RARB: variants seen among roughly 807,000 people sequenced by gnomAD.
The protein encoded by RARB is HBV-activated protein.
In RARB, 17 loss-of-function variants were observed where a neutral mutation model predicts 51.9. The ratio of observed to expected loss-of-function variants is 0.33; its 90% CI spans 0.22 to 0.49. RARB has a LOEUF of 0.49. Ranked by LOEUF, RARB falls within the 20% of genes least tolerant of loss-of-function variation. The pLI is 0.99. For missense variants in RARB, 369 were observed against 550.8 expected, an observed-to-expected ratio of 0.67 and a Z score of 3.30; for synonymous variants, 215 against 195.4, an observed-to-expected ratio of 1.10 and a Z score of -0.84.
chr3:25,426,962 T>G (rs139006617), upstream of RARB, among the ~76,000 whole-genome samples: 66 of 152,348 alleles, frequency 4.3e-4, 1 homozygote, highest in East Asian at 9.2e-3. Flanking sequence ...AAAATTACTG[T>G]ATTTTAATAA....
chr3:24,948,347 C>T (rs1695818374), intron 2 of RARB, among the ~76,000 whole-genome samples: 1 of 152,156 alleles, frequency 6.6e-6, no homozygotes. Flanking sequence ...CTAGAACCTC[C>T]ATTTCCTAGC....
chr3:25,216,924 T>C (rs1309033513), intron 5 of RARB, among the ~76,000 whole-genome samples: 3 of 152,102 alleles, frequency 2.0e-5, no homozygotes. Context: ...TAGAGTCCCA[T>C]CTTTCTCTGG....
At chr3:25,209,263 C>G (rs1701635586) in intron 5 of RARB, among the ~76,000 whole-genome samples, 1 of 152,228 alleles carries the variant, frequency 6.6e-6, no homozygotes, top group African/African-American at 2.4e-5. Flanking sequence ...GAGGAAGTTA[C>G]TCACTCCTCC....
At chr3:24,884,022 C>G (rs1445060186) in intron 2 of RARB, among the ~76,000 whole-genome samples, 1 of 152,092 alleles carries the variant, frequency 6.6e-6, no homozygotes, top group African/African-American at 2.4e-5. Context: ...TCGTCATATA[C>G]TTTCTTGGTT....
chr3:25,112,354 C>T (rs1182376216), intron 3 of RARB, among the ~76,000 whole-genome samples: 1 of 152,084 alleles, frequency 6.6e-6, no homozygotes, highest in Non-Finnish European at 1.5e-5. Context: ...AATGCAGATT[C>T]TCAGGCAAGT....
At chr3:25,485,762 G>A (rs13072276) in intron 2 of RARB, among the ~76,000 whole-genome samples, 70,437 of 151,982 alleles carry the variant, frequency 0.46, 18,224 homozygotes, top group South Asian at 0.62. Flanking sequence ...GGAAAGGAAA[G>A]CAGGATCCTC....
intron 1 of RARB, among the ~76,000 whole-genome samples, chr3:24,834,952 C>T (rs779557198): frequency 6.6e-6 from 1 of 151,726 alleles, no homozygotes; most frequent in Non-Finnish European, 1.5e-5. Flanking sequence ...TTTCTTTCAT[C>T]GTCTTCAGTT....
chr3:25,581,296 T>C (rs1224116745), intron 5 of RARB, among the ~76,000 whole-genome samples: 2 of 152,202 alleles, frequency 1.3e-5, no homozygotes, highest in Non-Finnish European at 2.9e-5. Context: ...CTTCAAAAGC[T>C]GATTTTACTT....
At chr3:24,924,403 T>G (rs1354803295) in intron 2 of RARB, among the ~76,000 whole-genome samples, 1 of 152,146 alleles carries the variant, frequency 6.6e-6, no homozygotes, top group African/African-American at 2.4e-5. Flanking sequence ...CAAGAGAACT[T>G]TCTGTGACAA....
chr3:24,927,262 A>G (rs1034986335), intron 2 of RARB, among the ~76,000 whole-genome samples: 3 of 152,160 alleles, frequency 2.0e-5, no homozygotes, highest in Non-Finnish European at 4.4e-5. Flanking sequence ...CTTAACTATG[A>G]TTAAATGTAT....
At chr3:25,079,981 A>G (rs1698961304) in intron 3 of RARB, among the ~76,000 whole-genome samples, 1 of 152,162 alleles carries the variant, frequency 6.6e-6, no homozygotes, top group African/African-American at 2.4e-5. Flanking sequence ...TCTGTTTTTA[A>G]GTGTACAATT....
intron 5 of RARB, among the ~76,000 whole-genome samples, chr3:25,249,566 A>G (rs187355379): frequency 1.0e-3 from 151 of 150,696 alleles, no homozygotes; most frequent in African/African-American, 3.6e-3. Context: ...GCTTCTTTCA[A>G]TTTTTTTTAA....
At chr3:24,987,051 C>A (rs1696809556) in intron 2 of RARB, among the ~76,000 whole-genome samples, 1 of 152,158 alleles carries the variant, frequency 6.6e-6, no homozygotes, top group Admixed American at 6.5e-5. Context: ...TCTCAAAAAA[C>A]AATCTAATTT....
intron 3 of RARB, among the ~76,000 whole-genome samples, chr3:25,063,677 C>T (rs1019442671): frequency 3.3e-5 from 5 of 149,444 alleles, no homozygotes; most frequent in Non-Finnish European, 7.4e-5. Context: ...TCTTGAGGTT[C>T]AAAGGGGTCC....
chr3:24,838,252 T>C (rs559268999), intron 1 of RARB, among the ~76,000 whole-genome samples: 1 of 152,306 alleles, frequency 6.6e-6, no homozygotes, highest in South Asian at 2.1e-4. Context: ...CAGAGAAATT[T>C]CTCAGCTTTT....
rs74757562 is a variant in RARB, at chr3:24,884,749, G to C, written c.-380+25997G>C. On this transcript the variant is annotated intron_variant, in intron 2 of 11. Transcript: ENST00000383772. ...AGTGGAATCTCATGTTTTTGTCCTC[G>C]ATAACATCTAATTAACTCTTTGTGT... Among the ~76,000 whole-genome samples, 385 of 152,082 alleles carry C rather than the reference G, an allele frequency of 2.5e-3. 1 individual carries two copies. The highest frequency in any genetic ancestry group is 8.9e-3 in the African/African-American group (369 of 41,472).
At chr3:25,027,933 A>C (rs1379453872) in intron 2 of RARB, among the ~76,000 whole-genome samples, 2 of 151,650 alleles carry the variant, frequency 1.3e-5, no homozygotes, top group African/African-American at 4.8e-5. Flanking sequence ...GTGCACACTT[A>C]AGACCTTCTC....
chr3:24,921,579 C>T (rs1575073020), intron 2 of RARB, among the ~76,000 whole-genome samples: 1 of 152,068 alleles, frequency 6.6e-6, no homozygotes, highest in African/African-American at 2.4e-5. Context: ...TTCAGATCAA[C>T]CTTTCTTCTT....
intron 2 of RARB, among the ~76,000 whole-genome samples, chr3:24,955,739 C>A (rs547388115): frequency 1.2e-4 from 18 of 151,906 alleles, no homozygotes; most frequent in Non-Finnish European, 2.6e-4. Context: ...TTTTCGGGAG[C>A]AATAAGTCAT....
Sources: allele counts gnomAD v4.1 joint callset (sites outside exome capture counted in the v4.1 genomes callset), GRCh38; gene constraint gnomAD v4.1.1; transcripts MANE v1.5; gene names NCBI Gene and HGNC (gene_info 2026-07-23, HGNC 2026-07-21).